The following PPEF1 variants were observed in gnomAD, a reference collection of about 807,000 sequenced individuals.
PPEF1 encodes protein phosphatase with EF-hand domain 1.
In PPEF1, 12 loss-of-function variants were observed where a neutral mutation model predicts 53.3. The observed-to-expected ratio is 0.23, with a 90% CI of 0.14 to 0.36. PPEF1 has a LOEUF of 0.36. Ranked by LOEUF, PPEF1 falls within the 10% of genes least tolerant of loss-of-function variation. The pLI is 1.00. For synonymous variants in PPEF1, 165 were observed against 176.7 expected, an observed-to-expected ratio of 0.93 and a Z score of 0.52; for missense variants, 334 against 490.4, an observed-to-expected ratio of 0.68 and a Z score of 3.01.
intron 1 of PPEF1, 29 bp downstream of exon 1, chrX:18,707,855 T>C (rs2044234342): frequency 2.5e-6 from 3 of 1,184,157 alleles, no homozygotes; most frequent in Non-Finnish European, 3.4e-6. Context: ...CCTGTGGTTA[T>C]GAATGAAAAG....
At chrX:18,827,090 G>A (rs936434094) in intron 15 of PPEF1, among the ~76,000 whole-genome samples, 186 bp from the exon 16 acceptor site, 14 of 111,840 alleles carry the variant, frequency 1.3e-4, no homozygotes, top group Middle Eastern at 4.2e-3. Flanking sequence ...GGATCCCTTG[G>A]TAGTTGAAAG....
At chrX:18,745,096 TTATATATTATATAATTATATTA>T (rs1179403665) in intron 3 of PPEF1, among the ~76,000 whole-genome samples, 101 of 96,584 alleles carry the variant, frequency 1.0e-3, no homozygotes, top group African/African-American at 2.0e-3. Context: ...GGAATATATA[TTATATATTATATAATTATATTA>T]TATATATTAT....
chrX:18,799,855 TCTA>T (rs1274562248), intron 10 of PPEF1, among the ~76,000 whole-genome samples: 1 of 112,032 alleles, frequency 8.9e-6, no homozygotes, highest in Non-Finnish European at 1.9e-5. Flanking sequence ...AGAGATGGTT[TCTA>T]CTGAGGAATT....
chrX:18,695,621 A>G (rs1443719444), intron 4 of PPEF1, among the ~76,000 whole-genome samples: 1 of 112,083 alleles, frequency 8.9e-6, no homozygotes, highest in Non-Finnish European at 1.9e-5. Flanking sequence ...CCAGACCAGA[A>G]CCTTCTGTGA....
rs911348339 is a variant in PPEF1, at chrX:18,707,841, T to C, written c.46+15T>C. On this transcript the variant is annotated intron_variant, in intron 1 of 15. Transcript: ENST00000470157. ...ATCTGACACATGTGAGTACTGGGAA[T>C]GTGCCTGTGGTTATGAATGAAAAGG... is the stretch of plus-strand genomic sequence containing the variant. 1 of 1,200,029 alleles carries C rather than the reference T, an allele frequency of 8.3e-7. No homozygotes were observed. The highest frequency in any genetic ancestry group is 1.1e-6 in the Non-Finnish European group (1 of 885,019).
intron 4 of PPEF1, among the ~76,000 whole-genome samples, chrX:18,755,791 G>A (rs1055834079): frequency 9.0e-6 from 1 of 111,214 alleles, no homozygotes; most frequent in Non-Finnish European, 1.9e-5. Context: ...CCTGTAAGTG[G>A]AATCGTACAA....
intron 1 of PPEF1, among the ~76,000 whole-genome samples, chrX:18,708,604 A>C (rs1410995092): frequency 8.9e-6 from 1 of 112,290 alleles, no homozygotes; most frequent in African/African-American, 3.2e-5. Flanking sequence ...CCCAACTTCT[A>C]TTCCACGTCT....
At chrX:18,813,163 G>A (rs1195201851) in intron 12 of PPEF1, among the ~76,000 whole-genome samples, 1 of 110,581 alleles carries the variant, frequency 9.0e-6, no homozygotes. Context: ...GGTGGATCAC[G>A]AGGTCAGGAG....
intron 8 of PPEF1, among the ~76,000 whole-genome samples, 184 bp from the exon 9 acceptor site, chrX:18,783,715 C>CAA (rs112707495): frequency 3.9e-4 from 40 of 101,733 alleles, no homozygotes; most frequent in Middle Eastern, 5.1e-3. Flanking sequence ...GACTCCATCT[C>CAA]AAAAAAAAAA....
chrX:18,797,700 T>TTTA (rs1224762851), intron 10 of PPEF1, among the ~76,000 whole-genome samples: 4 of 110,867 alleles, frequency 3.6e-5, no homozygotes, highest in African/African-American at 6.5e-5. Context: ...TATGTTCTTT[T>TTTA]TTATTATTAT....
At chrX:18,711,490 G>A (rs143373164) in intron 1 of PPEF1, among the ~76,000 whole-genome samples, 1,758 of 111,561 alleles carry the variant, frequency 0.016, 20 homozygotes, top group South Asian at 0.042. Context: ...TGTACTTTTA[G>A]CTCTTACTTT....
In PPEF1 at chrX:18,739,353, A is replaced by T. The variant is rs759326534; in HGVS notation, c.235+5545A>T. On this transcript the variant is annotated intron_variant, in intron 3 of 15. Coordinates refer to ENST00000470157, the MANE Select transcript of PPEF1 (RefSeq NM_001377996.1). Reference sequence around the variant, plus strand: ...TCTGTTTGTTAGTTTTCCTTCTAACAGTCAGGACCCTCAGCTGCAGGTCTG... The same window carrying T: ...TCTGTTTGTTAGTTTTCCTTCTAACTGTCAGGACCCTCAGCTGCAGGTCTG... Among the ~76,000 whole-genome samples the T allele has an allele frequency of 6.2e-5, 7 of 112,632 alleles. No individual in the cohort carries two copies. In the South Asian group the frequency reaches 2.5e-3, roughly 41 times the overall value.
intron 6 of PPEF1, among the ~76,000 whole-genome samples, chrX:18,777,994 C>T (rs2046004364): frequency 9.0e-6 from 1 of 111,328 alleles, no homozygotes. Flanking sequence ...ATCTGCCCGC[C>T]TCATCCTCCC....
chrX:18,779,817 C>T (rs1009853854), intron 7 of PPEF1, among the ~76,000 whole-genome samples: 13 of 111,448 alleles, frequency 1.2e-4, no homozygotes, highest in Admixed American at 2.9e-4. Context: ...TTATGAAAAA[C>T]AGAAATCAGT....
At chrX:18,808,566 C>A (rs1346155750) in intron 12 of PPEF1, among the ~76,000 whole-genome samples, 33 of 98,686 alleles carry the variant, frequency 3.3e-4, no homozygotes, top group African/African-American at 9.4e-4. Context: ...AAAAAAAAAA[C>A]CAAGTAATCC....
chrX:18,697,190 A>C (rs1929778320), intron 4 of PPEF1, among the ~76,000 whole-genome samples: 2 of 111,815 alleles, frequency 1.8e-5, no homozygotes, highest in African/African-American at 6.5e-5. Context: ...GCAGAGCCTG[A>C]GATAAACATT....
At chrX:18,808,662 G>A (rs950963579) in intron 12 of PPEF1, among the ~76,000 whole-genome samples, 4 of 110,812 alleles carry the variant, frequency 3.6e-5, no homozygotes, top group East Asian at 5.6e-4. Context: ...GATGCTCAAC[G>A]TCACTAATTA....
chrX:18,743,807 C>T (rs1430754786), intron 3 of PPEF1, among the ~76,000 whole-genome samples: 2 of 110,230 alleles, frequency 1.8e-5, no homozygotes, highest in Non-Finnish European at 3.8e-5. Flanking sequence ...TGGTGAAGTT[C>T]CTGTTCAGGT....
At chrX:18,798,749 A>G (rs954164084) in intron 10 of PPEF1, among the ~76,000 whole-genome samples, 20 of 110,717 alleles carry the variant, frequency 1.8e-4, no homozygotes, top group Non-Finnish European at 3.8e-4. Flanking sequence ...TCAGCCTCCA[A>G]AGTAGCTGGG....
Sources: gnomAD v4.1 joint callset for allele counts (sites outside exome capture counted in the v4.1 genomes callset) on GRCh38, gnomAD v4.1.1 for gene constraint, MANE v1.5 for transcripts, NCBI Gene and HGNC (gene_info 2026-07-23, HGNC 2026-07-21) for gene names.